RHOF: variants seen among roughly 807,000 people sequenced by gnomAD.
RHOF encodes the protein rho-related GTP-binding protein RhoF.
In RHOF, 21 loss-of-function variants were observed where a neutral mutation model predicts 22.2. That is an observed-to-expected ratio of 0.95 (90% CI 0.67 to 1.36). RHOF has a LOEUF of 1.36. Among genes scored for constraint, RHOF ranks in the 40% most tolerant of loss-of-function variants. The probability of loss-of-function intolerance (pLI) is 0.00; values close to 1 mark genes in which losing one functional copy is unlikely to be tolerated. For synonymous variants in RHOF, 135 were observed against 131.2 expected (o/e 1.03, Z -0.20); for missense variants, 285 against 293.7 (o/e 0.97, Z 0.22).
At chr12:121,787,891 A>G in intron 2 of RHOF, among the ~76,000 whole-genome samples, 1 of 50,592 alleles carries the variant, frequency 2.0e-5, no homozygotes, top group African/African-American at 7.1e-5. Context: ...ACTCTGCCTC[A>G]AAAAAAAAAA....
Position 121,779,518 on chromosome 12 carries a change from G to C in RHOF, c.616C>G (p.Arg206Gly), listed in dbSNP as rs764888399. Residue 206 changes from arginine to glycine, a missense_variant, in exon 5 of 5, where the codon CGG (arginine) becomes GGG (glycine). By Grantham distance (125) the Arg-to-Gly change is moderately radical. Transcript: ENST00000267205. The stretch of plus-strand genomic sequence containing the variant: ...CTGGGTCAGAGCAGCAGGCAGAGCC[G>C]GCGCTTCTTCTGCCGTTGCGCCTTC... ...LKKAQRQKKRRLCLLL is the reference protein window; with the variant it reads ...LKKAQRQKKRGLCLLL 3.7e-6 allele frequency: 6 copies of C among 1,612,712 alleles called. No homozygotes were observed. Among genetic ancestry groups the C allele is most frequent in the Middle Eastern group, 3.3e-4 (2 of 6,062 alleles).
intron 2 of RHOF, among the ~76,000 whole-genome samples, chr12:121,787,828 G>A (rs975167973): frequency 1.3e-5 from 2 of 149,674 alleles, no homozygotes; most frequent in Admixed American, 6.8e-5. Context: ...CTTGAGCTGG[G>A]GAGGTGGAGC....
intron 2 of RHOF, among the ~76,000 whole-genome samples, chr12:121,789,929 G>A (rs76229575): frequency 7.2e-5 from 11 of 152,200 alleles, no homozygotes; most frequent in South Asian, 2.1e-4. Context: ...TCACTCTCCC[G>A]TCTGTGTCTT....
At chr12:121,793,126 G>T in intron 2 of RHOF, 26 bp downstream of exon 2, 1 of 1,542,610 alleles carries the variant, frequency 6.5e-7, no homozygotes, top group Non-Finnish European at 8.8e-7. Flanking sequence ...GGACCCTCGG[G>T]CCCCCCGGCG....
rs144112865 is a variant in RHOF, at chr12:121,790,492, C to T, written c.226+2660G>A. Among the ~76,000 whole-genome samples the T allele has an allele frequency of 1.3e-3, 203 of 152,348 alleles. 1 individual carries two copies. The highest frequency in any genetic ancestry group is 4.6e-3 in the African/African-American group (190 of 41,572). On this transcript the variant is annotated intron_variant, in intron 2 of 4. Transcript: ENST00000267205. ...GCCGAGATGAATCATCTCCGGCATT[C>T]GGATCCACTACCCATTCATTCCATC... is the stretch of plus-strand genomic sequence containing the variant.
chr12:121,786,319 G>C (rs1874609226), intron 2 of RHOF, among the ~76,000 whole-genome samples: 1 of 152,172 alleles, frequency 6.6e-6, no homozygotes. Flanking sequence ...GCCTCCCAAA[G>C]TGCTGGGATT....
chr12:121,782,627 G>C (rs1156336222), intron 2 of RHOF: 7 of 152,290 alleles, frequency 4.6e-5, no homozygotes, highest in African/African-American at 1.7e-4. Context: ...ACCAGGCCAT[G>C]TCTGCTCCTA....
At chr12:121,788,322 A>G (rs991893921) in intron 2 of RHOF, among the ~76,000 whole-genome samples, 2 of 152,088 alleles carry the variant, frequency 1.3e-5, no homozygotes, top group Admixed American at 6.6e-5. Flanking sequence ...TGACCAGGTG[A>G]GGAAAAATGT....
chr12:121,785,360 C>T lies in RHOF; in HGVS notation c.227-4168G>A, dbSNP rs976578203. On this transcript the variant is annotated intron_variant, in intron 2 of 4. Coordinates refer to ENST00000267205, the MANE Select transcript of RHOF (RefSeq NM_019034.3). ...TAACTGAAACTACAGAAAGTGAAAC[C>T]GTGGATAAGGTTATAAAATGGGGCC... Among the ~76,000 whole-genome samples the T allele has an allele frequency of 5.9e-5, 9 of 151,776 alleles. No individual in the cohort carries two copies. In the South Asian group the frequency reaches 6.2e-4, roughly 11 times the overall value.
intron 4 of RHOF, 42 bp from the exon 5 acceptor site, chr12:121,779,704 GA>G: frequency 6.2e-7 from 1 of 1,608,510 alleles, no homozygotes; most frequent in Non-Finnish European, 8.5e-7. Flanking sequence ...GGGGCCCCTG[GA>G]GGTCTCCTAG....
At chr12:121,781,226 TC>T (rs774566724) in intron 2 of RHOF, 34 bp from the exon 3 acceptor site, 1 of 1,590,098 alleles carries the variant, frequency 6.3e-7, no homozygotes, top group Non-Finnish European at 8.6e-7. Context: ...TCAGGGGACG[TC>T]CCCTCCCTGT....
chr12:121,779,939 T>TG (rs1421107113), intron 4 of RHOF: 1 of 319,660 alleles, frequency 3.1e-6, no homozygotes, highest in African/African-American at 4.3e-5. Context: ...GACCCGGGGT[T>TG]GGTTCCCCCA....
chr12:121,782,652 A>G (rs887229213), intron 2 of RHOF: 3 of 152,412 alleles, frequency 2.0e-5, no homozygotes, highest in Non-Finnish European at 2.9e-5. Context: ...CTTGCTGGTG[A>G]TGGGGCATGG....
At position 121,793,179 on chromosome 12, in the gene RHOF, C is replaced by T; in HGVS notation, c.199G>A (p.Val67Met). ...GCCGTGTCGTAGAGGTTCAGGGTCA[C>T]CTCCTTGCTGCCAACGGTCACGCTG... is the stretch of plus-strand genomic sequence containing the variant. ...TASVTVGSKE[V>M]TLNLYDTAGQ... is the part of the protein sequence containing the mutation. Residue 67 changes from valine (V) to methionine (M), a missense_variant, in exon 2 of 5, where the codon GTG (valine) becomes ATG (methionine). Coordinates refer to ENST00000267205, the MANE Select transcript of RHOF (RefSeq NM_019034.3). The T allele has an allele frequency of 6.4e-7, 1 of 1,550,744 alleles. No homozygotes were observed. The highest frequency in any genetic ancestry group is 8.7e-7 in the Non-Finnish European group (1 of 1,146,828).
In RHOF at chr12:121,778,711, GTCCTA is replaced by G. The variant is rs1874330824; in HGVS notation, c.*782_*786del. The G allele has an allele frequency of 6.6e-6, 1 of 152,268 alleles. No homozygotes were observed. Among genetic ancestry groups the G allele is most frequent in the African/African-American group, 2.4e-5 (1 of 41,430 alleles). The allele number at this position is 152,268 out of a possible 1,614,324, so 9.4% of individuals were successfully genotyped here. Reference sequence around the variant, plus strand: ...CTTGAGGACTAAGTGGGCCAGTCCTGTCCTACCACAGTGGGGGGAACAGTCCACAG... The same window carrying G: ...CTTGAGGACTAAGTGGGCCAGTCCTGCCACAGTGGGGGGAACAGTCCACAG... On this transcript the variant is annotated 3_prime_UTR_variant, in exon 5 of 5. Coordinates refer to ENST00000267205, the MANE Select transcript of RHOF (RefSeq NM_019034.3).
intron 2 of RHOF, among the ~76,000 whole-genome samples, chr12:121,788,228 A>C (rs1874664019): frequency 6.6e-6 from 1 of 152,180 alleles, no homozygotes; most frequent in South Asian, 2.1e-4. Flanking sequence ...CTTTGTAAAT[A>C]ACAGAGGACC....
In RHOF at chr12:121,793,151, C is replaced by A. The variant is rs921889794; in HGVS notation, c.226+1G>T. 3.2e-6 allele frequency: 5 copies of A among 1,549,792 alleles called. No homozygotes were observed. The highest frequency in any genetic ancestry group is 1.2e-5 in the South Asian group (1 of 84,028). On this transcript the variant is annotated splice_donor_variant, in intron 2 of 4. Coordinates refer to ENST00000267205, the MANE Select transcript of RHOF (RefSeq NM_019034.3). LOFTEE classifies it high-confidence loss of function. ...GCCCCCCGGCGCGCAGGCGCACTCA[C>A]CGGCCGTGTCGTAGAGGTTCAGGGT...
chr12:121,779,981 G>A (rs1484787960), intron 4 of RHOF: 1 of 302,428 alleles, frequency 3.3e-6, no homozygotes, highest in Non-Finnish European at 6.3e-6. Flanking sequence ...AAGAGTTGGA[G>A]GCCTCAAGAC....
chr12:121,786,508 C>T (rs905636226), intron 2 of RHOF, among the ~76,000 whole-genome samples: 19 of 152,202 alleles, frequency 1.2e-4, no homozygotes, highest in African/African-American at 4.6e-4. Flanking sequence ...CCCCGGGGCG[C>T]TGGAGGCAGT....
Sources: gnomAD v4.1 joint callset for allele counts (sites outside exome capture counted in the v4.1 genomes callset) on GRCh38, gnomAD v4.1.1 for gene constraint, MANE v1.5 for transcripts, NCBI Gene and HGNC (gene_info 2026-07-23, HGNC 2026-07-21) for gene names.